The following NRG3 variants were observed in gnomAD, a reference collection of about 807,000 sequenced individuals.
NRG3 encodes the protein neuregulin 3, also known as pro-neuregulin-3, membrane-bound isoform.
NRG3 carries 31 observed loss-of-function variants against 66.9 expected under a neutral mutation model. The ratio of observed to expected loss-of-function variants is 0.46; its 90% CI spans 0.35 to 0.63. NRG3 has a LOEUF of 0.63. NRG3 is among the 20% of genes least tolerant of loss of function. The probability of loss-of-function intolerance (pLI) is 0.00; values close to 1 mark genes in which losing one functional copy is unlikely to be tolerated. For missense variants in NRG3, 910 were observed against 878.9 expected (o/e 1.04, Z -0.45); for synonymous variants, 393 against 359.4 (o/e 1.09, Z -1.06).
chr10:82,489,986 G>A (rs750002072), intron 2 of NRG3, among the ~76,000 whole-genome samples: 2 of 152,080 alleles, frequency 1.3e-5, no homozygotes, highest in South Asian at 4.2e-4. Flanking sequence ...GGAAGCCAAG[G>A]CACAGAGAAG....
At chr10:82,848,376 C>G (rs919389397) in intron 3 of NRG3, among the ~76,000 whole-genome samples, 2 of 152,192 alleles carry the variant, frequency 1.3e-5, no homozygotes, top group African/African-American at 4.8e-5. Flanking sequence ...TTCAGACTTG[C>G]ATGGGGCCTG....
intron 1 of NRG3, among the ~76,000 whole-genome samples, chr10:82,030,222 A>T (rs900112882): frequency 3.3e-5 from 5 of 152,052 alleles, no homozygotes; most frequent in African/African-American, 1.2e-4. Context: ...ATCAGGAGAG[A>T]TTCTTACTTA....
chr10:82,047,379 C>T (rs2063351162), intron 1 of NRG3, among the ~76,000 whole-genome samples: 1 of 151,862 alleles, frequency 6.6e-6, no homozygotes, highest in Non-Finnish European at 1.5e-5. Flanking sequence ...AAAGGGAAGC[C>T]CATCAGACTA....
At chr10:82,799,739 G>A (rs563233765) in intron 3 of NRG3, 14 of 152,186 alleles carry the variant, frequency 9.2e-5, no homozygotes, top group African/African-American at 3.4e-4. Flanking sequence ...AGCCAAGTGA[G>A]ACACTGTAGC....
intron 1 of NRG3, among the ~76,000 whole-genome samples, chr10:82,306,505 C>A (rs2080733895): frequency 6.6e-6 from 1 of 151,466 alleles, no homozygotes; most frequent in Non-Finnish European, 1.5e-5. Context: ...AGATCCAGAC[C>A]ATCCTGGCTA....
intron 2 of NRG3, among the ~76,000 whole-genome samples, chr10:82,388,956 T>C (rs764962684): frequency 6.6e-6 from 1 of 152,192 alleles, no homozygotes; most frequent in Non-Finnish European, 1.5e-5. Context: ...ATCTGCATTT[T>C]ACAAAAGATC....
intron 1 of NRG3, among the ~76,000 whole-genome samples, chr10:81,999,254 G>C (rs1209610636): frequency 6.6e-6 from 1 of 152,136 alleles, no homozygotes; most frequent in Non-Finnish European, 1.5e-5. Context: ...AGACCTCAAG[G>C]CTCAACTGAC....
intron 1 of NRG3, among the ~76,000 whole-genome samples, chr10:82,099,325 ATT>A (rs2066577342): frequency 6.6e-6 from 1 of 152,196 alleles, no homozygotes; most frequent in Admixed American, 6.5e-5. Context: ...TTCCACCAAA[ATT>A]TCTTGAATTG....
intron 1 of NRG3, among the ~76,000 whole-genome samples, chr10:82,113,819 A>G (rs1281152924): frequency 6.6e-6 from 1 of 152,208 alleles, no homozygotes; most frequent in African/African-American, 2.4e-5. Context: ...ATCTAGAATT[A>G]TTGCAAAATA....
intron 1 of NRG3, among the ~76,000 whole-genome samples, chr10:82,159,661 T>C (rs187760826): frequency 1.3e-5 from 2 of 152,036 alleles, no homozygotes; most frequent in East Asian, 3.9e-4. Context: ...ATGCCTTCGT[T>C]AGTTTTTTAG....
At chr10:82,207,478 A>G (rs544270052) in intron 1 of NRG3, among the ~76,000 whole-genome samples, 2 of 152,166 alleles carry the variant, frequency 1.3e-5, no homozygotes, top group Non-Finnish European at 2.9e-5. Context: ...AAATTAGTGT[A>G]CACATGTAAA....
chr10:82,411,445 C>T (rs1161574021), intron 2 of NRG3, among the ~76,000 whole-genome samples: 3 of 152,144 alleles, frequency 2.0e-5, no homozygotes, highest in Admixed American at 6.6e-5. Flanking sequence ...ATCACTGCAA[C>T]GAGCTGGGGT....
intron 4 of NRG3, among the ~76,000 whole-genome samples, chr10:82,879,812 C>T (rs1461735665): frequency 6.6e-6 from 1 of 152,022 alleles, no homozygotes; most frequent in Non-Finnish European, 1.5e-5. Context: ...TTCCAGTTCA[C>T]TTAGTAGTAC....
chr10:82,509,189 C>T (rs1171500625), intron 2 of NRG3, among the ~76,000 whole-genome samples: 1 of 152,122 alleles, frequency 6.6e-6, no homozygotes, highest in African/African-American at 2.4e-5. Flanking sequence ...TTCTCCTTGC[C>T]ATACTTCTAC....
chr10:82,467,411 C>T (rs1257380356), intron 2 of NRG3, among the ~76,000 whole-genome samples: 3 of 152,158 alleles, frequency 2.0e-5, no homozygotes, highest in Middle Eastern at 3.2e-3. Context: ...ATTTAAGAGG[C>T]AGAGGCCCTC....
In NRG3 at chr10:82,986,541, C is replaced by T. The variant is rs1853445789; in HGVS notation, c.*936C>T. On this transcript the variant is annotated 3_prime_UTR_variant, in exon 9 of 9. Transcript: ENST00000372141. ...TACTATTCAGAAAAATTATTTCCCT[C>T]TTAGATCTTTTCACTTTAAATTTTT... 1.3e-5 allele frequency: 2 copies of T among 152,188 alleles called. No individual in the cohort carries two copies. Among genetic ancestry groups the T allele is most frequent in the Admixed American group, 1.3e-4 (2 of 15,280 alleles). 9.4% of individuals were successfully genotyped at this position (152,188 alleles called of 1,614,324 possible).
intron 2 of NRG3, among the ~76,000 whole-genome samples, chr10:82,541,722 T>C (rs1282086781): frequency 6.6e-6 from 1 of 152,166 alleles, no homozygotes; most frequent in Non-Finnish European, 1.5e-5. Flanking sequence ...TCTTCTTTCT[T>C]TGGAGGCAGA....
At chr10:82,853,249 T>G (rs1455400886) in intron 3 of NRG3, among the ~76,000 whole-genome samples, 1 of 152,222 alleles carries the variant, frequency 6.6e-6, no homozygotes, top group East Asian at 1.9e-4. Flanking sequence ...ATAAAGTTTT[T>G]GCTTAGTCTT....
At chr10:82,359,412 A>G (rs965958727) in intron 2 of NRG3, among the ~76,000 whole-genome samples, 2 of 152,214 alleles carry the variant, frequency 1.3e-5, no homozygotes, top group Admixed American at 6.5e-5. Flanking sequence ...TCCAGCAAGA[A>G]GTTGTAAATG....
Sources: gnomAD v4.1 joint callset for allele counts (sites outside exome capture counted in the v4.1 genomes callset) on GRCh38, gnomAD v4.1.1 for gene constraint, MANE v1.5 for transcripts, NCBI Gene and HGNC (gene_info 2026-07-23, HGNC 2026-07-21) for gene names.